The following TMEM26 variants were observed in gnomAD, a reference collection of about 807,000 sequenced individuals.
The protein encoded by TMEM26 is transmembrane protein 26.
TMEM26 carries 38 observed loss-of-function variants against 28.8 expected under a neutral mutation model. The ratio of observed to expected loss-of-function variants is 1.32; its 90% CI spans 1.02 to 1.73. The LOEUF is 1.73. Among genes scored for constraint, TMEM26 ranks in the 40% most tolerant of loss-of-function variants. TMEM26 has a pLI of 0.00. For missense variants in TMEM26, 518 were observed against 447.1 expected, an observed-to-expected ratio of 1.16 and a Z score of -1.43; for synonymous variants, 227 against 182.9, an observed-to-expected ratio of 1.24 and a Z score of -1.95.
At chr10:61,413,733 A>G (rs1274151244) in intron 4 of TMEM26, 198 bp from the exon 5 acceptor site, 1 of 1,273,982 alleles carries the variant, frequency 7.8e-7, no homozygotes, top group East Asian at 3.1e-5. Context: ...ATAATCTGAG[A>G]CTTAAAGCCC....
Position 61,410,732 on chromosome 10 carries a change from A to G in TMEM26, c.697T>C (p.Cys233Arg). 1.2e-6 allele frequency: 2 copies of G among 1,614,040 alleles called. No homozygotes were observed. The highest frequency in any genetic ancestry group is 1.7e-6 in the Non-Finnish European group (2 of 1,179,982). ...PLDLAVQNVV[C>R]PVSVTERGFP... ...CCCCTCTCTGTCACAGACACAGGGC[A>G]CACAACGTTCTGTACTGAAAACACA... The change falls in exon 6 of 6, where the codon TGC (cysteine) becomes CGC (arginine). Residue 233 changes from cysteine (C) to arginine (R), a missense_variant. Cys to Arg is a radical substitution (Grantham distance 180). Coordinates refer to ENST00000399298, the MANE Select transcript of TMEM26 (RefSeq NM_178505.8).
In TMEM26 at chr10:61,425,705, C is replaced by T. The variant is rs1177335006; in HGVS notation, c.605+3221G>A. 2.0e-5 allele frequency among the ~76,000 whole-genome samples: 3 copies of T among 152,052 alleles called. No individual in the cohort carries two copies. In the East Asian group the frequency reaches 5.8e-4, roughly 29 times the overall value. On this transcript the variant is annotated intron_variant, in intron 4 of 5. Coordinates refer to ENST00000399298, the MANE Select transcript of TMEM26 (RefSeq NM_178505.8). Reference sequence around the variant, plus strand: ...TGAAAAGATGCTCAGCAACATTAGTCATTAAAGAGCTGCAAATTAATGTCC... The same window carrying T: ...TGAAAAGATGCTCAGCAACATTAGTTATTAAAGAGCTGCAAATTAATGTCC...
chr10:61,449,088 G>A (rs1340217246), intron 1 of TMEM26, among the ~76,000 whole-genome samples: 2 of 152,138 alleles, frequency 1.3e-5, no homozygotes, highest in African/African-American at 4.8e-5. Flanking sequence ...CTTAAGCCAA[G>A]TGATATTCAT....
chr10:61,422,937 A>C (rs1839772349), intron 4 of TMEM26, among the ~76,000 whole-genome samples: 1 of 152,126 alleles, frequency 6.6e-6, no homozygotes, highest in African/African-American at 2.4e-5. Flanking sequence ...CCAAAAAAGT[A>C]AACATCAGCC....
In TMEM26 at chr10:61,409,100, A is replaced by G. The variant is rs1384251821; in HGVS notation, c.*1222T>C. 1 of 152,210 alleles carries G rather than the reference A, an allele frequency of 6.6e-6. No homozygotes were observed. Among genetic ancestry groups the G allele is most frequent in the African/African-American group, 2.4e-5 (1 of 41,456 alleles). The allele number at this position is 152,210 out of a possible 1,614,324, so 9.4% of individuals were successfully genotyped here. A position where few individuals can be genotyped will look rare whatever the true frequency, so the allele number is the denominator to read the frequency against. ...TCGTGTAATTACTGCTACACACCCG[A>G]GCAAATTTTCACACTGTATCTTTAA... On this transcript the variant is annotated 3_prime_UTR_variant, in exon 6 of 6. Transcript: ENST00000399298.
At chr10:61,431,178 C>G (rs761851155) in intron 3 of TMEM26, 41 bp downstream of exon 3, 1 of 1,519,610 alleles carries the variant, frequency 6.6e-7, no homozygotes, top group Non-Finnish European at 9.1e-7. Flanking sequence ...CCAAGTCCAC[C>G]ATTTTCTAGA....
At chr10:61,429,181 C>CA (rs1356353635) in intron 3 of TMEM26, 35 bp from the exon 4 acceptor site, 6 of 1,538,252 alleles carry the variant, frequency 3.9e-6, no homozygotes, top group Non-Finnish European at 5.4e-6. Flanking sequence ...ACAGGATTAT[C>CA]AGCCACCACC....
At chr10:61,445,201 C>T (rs1840159624) in intron 1 of TMEM26, among the ~76,000 whole-genome samples, 1 of 152,190 alleles carries the variant, frequency 6.6e-6, no homozygotes, top group Admixed American at 6.5e-5. Context: ...TCACCATCAT[C>T]ATTTTCATCA....
At chr10:61,449,042 T>G (rs1235364622) in intron 1 of TMEM26, among the ~76,000 whole-genome samples, 1 of 152,216 alleles carries the variant, frequency 6.6e-6, no homozygotes, top group Admixed American at 6.5e-5. Context: ...TCCATTGGAT[T>G]GTTGCCCAGA....
rs1248215064 is a variant in TMEM26, at chr10:61,410,325, AGG to A, written c.1102_1103del (p.Pro368LeufsTer5). The A allele has an allele frequency of 6.2e-7, 1 of 1,607,554 alleles. No individual in the cohort carries two copies. The highest frequency in any genetic ancestry group is 1.3e-5 in the African/African-American group (1 of 74,836). On this transcript the variant is annotated frameshift_variant, in exon 6 of 6. Transcript: ENST00000399298. LOFTEE classifies it high-confidence loss of function. ...PVTSDDSHHT[P>X] ...GCAGACCACTGTCAATCAATAACTA[AGG>A]GGTGTGGTGGGAGTCGTCGGAGGTG...
At chr10:61,425,390 G>A (rs1261085535) in intron 4 of TMEM26, among the ~76,000 whole-genome samples, 2 of 152,166 alleles carry the variant, frequency 1.3e-5, no homozygotes, top group East Asian at 3.9e-4. Flanking sequence ...TTTAGAGTTA[G>A]GAAAATAGTT....
chr10:61,437,509 C>T (rs1216074656), intron 1 of TMEM26, among the ~76,000 whole-genome samples: 3 of 152,134 alleles, frequency 2.0e-5, no homozygotes, highest in African/African-American at 7.2e-5. Flanking sequence ...TTGGTCTGGG[C>T]ACGGTGGCTC....
chr10:61,452,197 A>G (rs919855395), intron 1 of TMEM26, among the ~76,000 whole-genome samples: 10 of 152,160 alleles, frequency 6.6e-5, no homozygotes, highest in Admixed American at 1.3e-4. Flanking sequence ...CGTGGCGTGT[A>G]GTTATTGCAC....
chr10:61,427,832 A>G (rs1021455747), intron 4 of TMEM26, among the ~76,000 whole-genome samples: 1 of 152,086 alleles, frequency 6.6e-6, no homozygotes, highest in Non-Finnish European at 1.5e-5. Context: ...TTTTCTTGTA[A>G]CAACATTGTA....
chr10:61,444,661 A>AT (rs1039492677), intron 1 of TMEM26, among the ~76,000 whole-genome samples: 10 of 151,926 alleles, frequency 6.6e-5, no homozygotes, highest in African/African-American at 2.4e-4. Flanking sequence ...TTTAAAAAAA[A>AT]AAAAAAAAAA....
intron 2 of TMEM26, among the ~76,000 whole-genome samples, chr10:61,434,581 T>C (rs1839972647): frequency 6.6e-6 from 1 of 152,184 alleles, no homozygotes; most frequent in African/African-American, 2.4e-5. Flanking sequence ...CCTTCCAGTA[T>C]AGTTTTAAAA....
intron 1 of TMEM26, among the ~76,000 whole-genome samples, chr10:61,441,928 ATAGCTCT>A (rs1190881536): frequency 1.3e-5 from 2 of 152,120 alleles, no homozygotes; most frequent in South Asian, 4.1e-4. Flanking sequence ...TTTTAATTCC[ATAGCTCT>A]TAGCCTACCT....
chr10:61,436,834 T>A (rs1840016365), intron 1 of TMEM26, among the ~76,000 whole-genome samples: 1 of 152,200 alleles, frequency 6.6e-6, no homozygotes, highest in African/African-American at 2.4e-5. Flanking sequence ...GTATTTTTTT[T>A]AAGTTATCTA....
At chr10:61,411,964 C>G (rs1166461658) in intron 5 of TMEM26, among the ~76,000 whole-genome samples, 1 of 152,116 alleles carries the variant, frequency 6.6e-6, no homozygotes, top group African/African-American at 2.4e-5. Context: ...CATTATCACC[C>G]CTGAAAGTTT....
Sources: gnomAD v4.1 joint callset for allele counts (sites outside exome capture counted in the v4.1 genomes callset) on GRCh38, gnomAD v4.1.1 for gene constraint, MANE v1.5 for transcripts, NCBI Gene and HGNC (gene_info 2026-07-23, HGNC 2026-07-21) for gene names.